The following PDE2A variants were observed in gnomAD, a reference collection of about 807,000 sequenced individuals.
The protein encoded by PDE2A is cGMP-dependent 3',5'-cyclic phosphodiesterase.
Under a neutral mutation model 133.6 loss-of-function variants are expected in PDE2A, and 53 were observed. That is an observed-to-expected ratio of 0.40 (90% CI 0.32 to 0.50). PDE2A has a LOEUF of 0.50. Ranked by LOEUF, PDE2A falls within the 20% of genes least tolerant of loss-of-function variation. PDE2A has a pLI of 0.73. For synonymous variants in PDE2A, 491 were observed against 490.2 expected (o/e 1.00, Z -0.02); for missense variants, 796 against 1,232.4 (o/e 0.65, Z 5.30).
At chr11:72,617,792 A>G (rs1240719956) in intron 2 of PDE2A, among the ~76,000 whole-genome samples, 4 of 152,176 alleles carry the variant, frequency 2.6e-5, no homozygotes, top group Non-Finnish European at 5.9e-5. Flanking sequence ...CAGAGTTGGG[A>G]GAAGAGCGGG....
chr11:72,626,995 T>A (rs984502804), intron 2 of PDE2A, among the ~76,000 whole-genome samples: 1 of 152,212 alleles, frequency 6.6e-6, no homozygotes, highest in African/African-American at 2.4e-5. Flanking sequence ...CATGGACCTC[T>A]CTGACTGCCT....
chr11:72,644,385 C>T (rs1859070990), intron 1 of PDE2A, among the ~76,000 whole-genome samples: 1 of 152,252 alleles, frequency 6.6e-6, no homozygotes, highest in Non-Finnish European at 1.5e-5. Context: ...CAGGGCCTCC[C>T]TTCCTATTTT....
At position 72,588,911 on chromosome 11, in the gene PDE2A, C is replaced by T; in HGVS notation, c.943G>A (p.Asp315Asn). Reference protein sequence around the residue: ...SIQLKDLTSEDVQQLQSMLGC... With the variant: ...SIQLKDLTSENVQQLQSMLGC... Reference sequence around the variant, plus strand: ...AACATGCTCTGCAGCTGTTGTACATCCTCCTGCAAAGGCGAGGCAAGTCAG... The same window carrying T: ...AACATGCTCTGCAGCTGTTGTACATTCTCCTGCAAAGGCGAGGCAAGTCAG... Residue 315 changes from aspartate to asparagine, a missense_variant, in exon 13 of 31, where the codon GAT becomes AAT. By Grantham distance (23) the Asp-to-Asn change is conservative. Coordinates refer to ENST00000334456, the MANE Select transcript of PDE2A (RefSeq NM_002599.5). 6.2e-7 allele frequency: 1 copy of T among 1,600,574 alleles called. No individual in the cohort carries two copies. Among genetic ancestry groups the T allele is most frequent in the Non-Finnish European group, 8.5e-7 (1 of 1,170,094 alleles).
chr11:72,618,086 G>A (rs956096870), intron 2 of PDE2A, among the ~76,000 whole-genome samples: 12 of 152,146 alleles, frequency 7.9e-5, no homozygotes, highest in African/African-American at 2.7e-4. Context: ...CATAGCTCCT[G>A]GGAACACCCC....
intron 12 of PDE2A, 74 bp downstream of exon 12, chr11:72,589,101 A>AGTCCC: frequency 7.2e-7 from 1 of 1,394,036 alleles, no homozygotes; most frequent in East Asian, 2.3e-5. Flanking sequence ...CTGCTCTGTA[A>AGTCCC]CAGAGACCCT....
At position 72,590,730 on chromosome 11, in the gene PDE2A, C is replaced by A. The variant is rs898123927; in HGVS notation, c.550-150G>T. On this transcript the variant is annotated intron_variant, in intron 7 of 30. Coordinates refer to ENST00000334456, the MANE Select transcript of PDE2A (RefSeq NM_002599.5). The surrounding 1 kb of genome is among the most constrained non-coding windows in gnomAD (Gnocchi z 4.8). Reference sequence around the variant, plus strand: ...CCAAACACCTCATCCCTGGACTCTACCTTCCTGAGGGCTCCCCCGGGGGCT... The same window carrying A: ...CCAAACACCTCATCCCTGGACTCTAACTTCCTGAGGGCTCCCCCGGGGGCT... The A allele has an allele frequency of 2.8e-6, 2 of 718,066 alleles. No individual in the cohort carries two copies. Among genetic ancestry groups the A allele is most frequent in the Non-Finnish European group, 4.1e-6 (2 of 490,570 alleles). 44.5% of individuals were successfully genotyped at this position (718,066 alleles called of 1,614,324 possible). A position where few individuals can be genotyped will look rare whatever the true frequency, so the allele number is the denominator to read the frequency against.
intron 1 of PDE2A, among the ~76,000 whole-genome samples, chr11:72,662,876 C>T (rs1855108773): frequency 1.3e-5 from 2 of 152,184 alleles, no homozygotes; most frequent in Admixed American, 1.3e-4. Context: ...CTTTCCTCTG[C>T]TTCCCTTTGT....
chr11:72,641,770 T>C (rs1481870116), intron 2 of PDE2A, among the ~76,000 whole-genome samples: 2 of 152,030 alleles, frequency 1.3e-5, no homozygotes, highest in Non-Finnish European at 2.9e-5. Flanking sequence ...TCCAGATGTT[T>C]GGGTGGGAAT....
chr11:72,673,792 C>T (rs1040365828), intron 1 of PDE2A, among the ~76,000 whole-genome samples: 4 of 151,950 alleles, frequency 2.6e-5, no homozygotes, highest in African/African-American at 9.7e-5. Context: ...AGAGCTCCTC[C>T]CAACTACTTG....
chr11:72,634,945 T>C (rs1350375525), intron 2 of PDE2A, among the ~76,000 whole-genome samples: 1 of 152,246 alleles, frequency 6.6e-6, no homozygotes. Flanking sequence ...TTTCCATGTC[T>C]GTGTCCAGGA....
chr11:72,609,104 A>G (rs1268402365), intron 2 of PDE2A, among the ~76,000 whole-genome samples: 1 of 152,200 alleles, frequency 6.6e-6, no homozygotes, highest in Non-Finnish European at 1.5e-5. Flanking sequence ...ATTAAAACAA[A>G]ACAAGCAAAC....
In PDE2A at chr11:72,593,788, T is replaced by C. The variant is rs75492218; in HGVS notation, c.490-2432A>G. On this transcript the variant is annotated intron_variant, in intron 6 of 30. Coordinates refer to ENST00000334456, the MANE Select transcript of PDE2A (RefSeq NM_002599.5). The stretch of plus-strand genomic sequence containing the variant: ...CACAGCCCTGCACCTGGCCAGCATA[T>C]TCCTCAGAGAGCCCTCGCTGATGGC... Among the ~76,000 whole-genome samples, 782 of 152,212 alleles carry C rather than the reference T, an allele frequency of 5.1e-3. 4 individuals are homozygous for C. Among genetic ancestry groups the C allele is most frequent in the African/African-American group, 0.018 (746 of 41,554 alleles).
intron 2 of PDE2A, among the ~76,000 whole-genome samples, chr11:72,627,791 A>G (rs1434216365): frequency 2.0e-5 from 3 of 152,228 alleles, no homozygotes; most frequent in Admixed American, 2.0e-4. Flanking sequence ...CCAAGCCGCC[A>G]TCTGGGCCCT....
intron 6 of PDE2A, 111 bp downstream of exon 6, chr11:72,596,482 T>TCA (rs1341571702): frequency 1.4e-3 from 309 of 220,642 alleles, no homozygotes; most frequent in African/African-American, 2.2e-3. Flanking sequence ...TCTCTCTCTC[T>TCA]CTCACACACA....
Position 72,589,928 on chromosome 11 carries a change from G to A in PDE2A, c.810C>T (p.Asp270=). The A allele has an allele frequency of 2.5e-6, 4 of 1,613,396 alleles. No individual in the cohort carries two copies. Among genetic ancestry groups the A allele is most frequent in the Non-Finnish European group, 3.4e-6 (4 of 1,179,836 alleles). Residue 270 remains aspartate (D), a synonymous_variant, in exon 10 of 31, where the codon GAC becomes GAT. Transcript: ENST00000334456. Reference sequence around the variant, plus strand: ...TCACCTTGCAAGAAAGCTGGAGATTGTCCTCCGACACCAGCAGGAGGCAGC... The same window carrying A: ...TCACCTTGCAAGAAAGCTGGAGATTATCCTCCGACACCAGCAGGAGGCAGC... The part of the protein sequence containing the change: ...SRCCLLLVSE[D]NLQLSCKVIG...
rs150941466 is a variant in PDE2A, at chr11:72,658,176, G to A, written c.72-15850C>T. The A allele has an allele frequency of 1.8e-3, 809 of 454,028 alleles. 3 individuals carry two copies. The highest frequency in any genetic ancestry group is 0.014 in the African/African-American group (685 of 50,104). 28.1% of individuals were successfully genotyped at this position (454,028 alleles called of 1,614,324 possible). On this transcript the variant is annotated intron_variant, in intron 1 of 30. Coordinates refer to ENST00000334456, the MANE Select transcript of PDE2A (RefSeq NM_002599.5). ...GAAGCCTTTCAGGATGCCCCACCCC[G>A]ACTTATCGCTGCCTTCTCTGAACTG... is the stretch of plus-strand genomic sequence containing the variant.
chr11:72,644,649 G>C (rs1217523436), intron 1 of PDE2A, among the ~76,000 whole-genome samples: 1 of 152,232 alleles, frequency 6.6e-6, no homozygotes, highest in Non-Finnish European at 1.5e-5. Context: ...ACCCTGGCCT[G>C]GCACCGCCAC....
At chr11:72,620,334 C>T (rs1036044109) in intron 2 of PDE2A, among the ~76,000 whole-genome samples, 1 of 152,122 alleles carries the variant, frequency 6.6e-6, no homozygotes, top group South Asian at 2.1e-4. Context: ...CAGGAGAAGG[C>T]CCCTCAGAAG....
In PDE2A at chr11:72,582,265, C is replaced by A. The variant is rs1855757409; in HGVS notation, c.1851+179G>T. 3 of 663,912 alleles carry A rather than the reference C, an allele frequency of 4.5e-6. No individual in the cohort carries two copies. The South Asian group carries it at 5.8e-5, about 13-fold the overall frequency. The allele number at this position is 663,912 out of a possible 1,614,324, so 41.1% of individuals were successfully genotyped here. On this transcript the variant is annotated intron_variant, in intron 21 of 30. Transcript: ENST00000334456. The stretch of plus-strand genomic sequence containing the variant: ...TGGGATCATCCAGTCCAGCCTCTAG[C>A]CCCTGGGCAGGCCCTATGGCTTCCT...
Sources: allele counts gnomAD v4.1 joint callset (sites outside exome capture counted in the v4.1 genomes callset), GRCh38; gene constraint gnomAD v4.1.1; non-coding constraint Gnocchi (gnomAD v3.1); transcripts MANE v1.5; gene names NCBI Gene and HGNC (gene_info 2026-07-23, HGNC 2026-07-21).